Variants in ST6GALNAC5 observed in about 807,000 individuals in gnomAD.
ST6GALNAC5 encodes the protein alpha-N-acetylgalactosaminide alpha-2,6-sialyltransferase 5.
Under a neutral mutation model 33.6 loss-of-function variants are expected in ST6GALNAC5, and 27 were observed. The ratio of observed to expected loss-of-function variants is 0.80; its 90% CI spans 0.59 to 1.11. The LOEUF (loss-of-function observed/expected upper bound fraction) is 1.11. Among genes scored for constraint, ST6GALNAC5 ranks in the 50% least tolerant of loss-of-function variants. ST6GALNAC5 has a pLI of 0.00. For synonymous variants in ST6GALNAC5, 194 were observed against 171.2 expected, an observed-to-expected ratio of 1.13 and a Z score of -1.04; for missense variants, 428 against 454.0, an observed-to-expected ratio of 0.94 and a Z score of 0.52.
At chr1:76,900,161 G>C (rs760811787) in intron 2 of ST6GALNAC5, among the ~76,000 whole-genome samples, 1 of 152,160 alleles carries the variant, frequency 6.6e-6, no homozygotes, top group Admixed American at 6.5e-5. Flanking sequence ...GTTGTTCTCT[G>C]GTGGGCAGAG....
chr1:77,026,828 TGAA>T (rs1651257134), intron 2 of ST6GALNAC5, among the ~76,000 whole-genome samples: 1 of 142,940 alleles, frequency 7.0e-6, no homozygotes, highest in Non-Finnish European at 1.5e-5. Context: ...AATGAATGAA[TGAA>T]TGAATGAAAA....
intron 2 of ST6GALNAC5, among the ~76,000 whole-genome samples, chr1:76,902,528 C>T (rs1018054077): frequency 6.6e-6 from 1 of 152,082 alleles, no homozygotes; most frequent in Admixed American, 6.6e-5. Context: ...AATTGATGAG[C>T]TGATCCCAAA....
intron 2 of ST6GALNAC5, among the ~76,000 whole-genome samples, chr1:76,996,481 A>G (rs779594196): frequency 3.6e-4 from 55 of 152,226 alleles, no homozygotes; most frequent in Admixed American, 1.1e-3. Context: ...ACTGTTGAAT[A>G]TGTTTGTGGA....
chr1:76,959,160 T>G (rs564099341), intron 2 of ST6GALNAC5, among the ~76,000 whole-genome samples: 2 of 152,084 alleles, frequency 1.3e-5, no homozygotes, highest in African/African-American at 4.8e-5. Context: ...TAGACAGGGG[T>G]TATGGGTGGT....
At chr1:76,977,062 T>C (rs1345419724) in intron 2 of ST6GALNAC5, among the ~76,000 whole-genome samples, 2 of 152,204 alleles carry the variant, frequency 1.3e-5, no homozygotes, top group African/African-American at 4.8e-5. Flanking sequence ...AGCACATCTA[T>C]TTATTCTTTT....
At chr1:76,939,282 C>A (rs753283828) in intron 2 of ST6GALNAC5, among the ~76,000 whole-genome samples, 3 of 151,986 alleles carry the variant, frequency 2.0e-5, no homozygotes, top group Non-Finnish European at 4.4e-5. Flanking sequence ...GAAAGCGAAA[C>A]AACATTATTG....
chr1:76,874,645 C>T (rs1653586579), intron 2 of ST6GALNAC5, among the ~76,000 whole-genome samples: 2 of 152,128 alleles, frequency 1.3e-5, no homozygotes. Flanking sequence ...ATTTTTCTGC[C>T]TGTTTTATAT....
At chr1:77,017,536 C>T (rs1296266507) in intron 2 of ST6GALNAC5, among the ~76,000 whole-genome samples, 1 of 152,106 alleles carries the variant, frequency 6.6e-6, no homozygotes, top group African/African-American at 2.4e-5. Context: ...GCAAGAGGGA[C>T]CCAGGGATCC....
intron 2 of ST6GALNAC5, among the ~76,000 whole-genome samples, chr1:76,876,179 C>T (rs1421325169): frequency 6.6e-6 from 1 of 152,210 alleles, no homozygotes. Flanking sequence ...CCAATATAAT[C>T]AACCTGCCAC....
intron 1 of ST6GALNAC5, 149 bp downstream of exon 1, chr1:76,867,839 C>A: frequency 1.7e-6 from 2 of 1,162,046 alleles, no homozygotes; most frequent in Non-Finnish European, 1.2e-6. Context: ...GCTCCGCGTT[C>A]CCTCCCGATT....
At chr1:76,892,482 T>A (rs1654034812) in intron 2 of ST6GALNAC5, among the ~76,000 whole-genome samples, 1 of 152,196 alleles carries the variant, frequency 6.6e-6, no homozygotes, top group South Asian at 2.1e-4. Flanking sequence ...TTATGAATAG[T>A]CCATATGTTT....
chr1:77,041,159 T>G (rs1390617348), intron 2 of ST6GALNAC5, among the ~76,000 whole-genome samples: 1 of 152,252 alleles, frequency 6.6e-6, no homozygotes, highest in East Asian at 1.9e-4. Flanking sequence ...TACTTGCTCC[T>G]TTTTAAAATT....
chr1:76,971,898 C>A (rs530822576), intron 2 of ST6GALNAC5, among the ~76,000 whole-genome samples: 53 of 152,316 alleles, frequency 3.5e-4, no homozygotes, highest in Non-Finnish European at 5.9e-4. Flanking sequence ...AAACATCATA[C>A]AATGAAAAGT....
At chr1:76,933,375 A>G (rs1020600133) in intron 2 of ST6GALNAC5, among the ~76,000 whole-genome samples, 1 of 152,004 alleles carries the variant, frequency 6.6e-6, no homozygotes, top group African/African-American at 2.4e-5. Flanking sequence ...GGGAGCTAAC[A>G]TTGTTGTATG....
intron 2 of ST6GALNAC5, among the ~76,000 whole-genome samples, chr1:76,938,286 C>A (rs1252216435): frequency 2.0e-5 from 3 of 152,064 alleles, no homozygotes; most frequent in Non-Finnish European, 2.9e-5. Flanking sequence ...ATGCTCCACT[C>A]TTTCAAGAAG....
intron 2 of ST6GALNAC5, among the ~76,000 whole-genome samples, chr1:77,002,683 A>G (rs1650223138): frequency 6.6e-6 from 1 of 150,784 alleles, no homozygotes; most frequent in Admixed American, 6.6e-5. Flanking sequence ...AGATTCTGGT[A>G]TGTTGTGTCT....
chr1:76,867,778 C>T (rs1234806033), intron 1 of ST6GALNAC5, 88 bp downstream of exon 1: 1 of 1,596,686 alleles, frequency 6.3e-7, no homozygotes, highest in South Asian at 1.1e-5. Context: ...CTCCGAGACG[C>T]CTAACCCTGG....
intron 2 of ST6GALNAC5, among the ~76,000 whole-genome samples, chr1:76,878,804 G>A (rs1223332067): frequency 6.6e-6 from 1 of 152,168 alleles, no homozygotes; most frequent in East Asian, 1.9e-4. Flanking sequence ...AAATGCAGTA[G>A]GCTTCTTATC....
chr1:77,015,259 TG>T (rs758340053), intron 2 of ST6GALNAC5, among the ~76,000 whole-genome samples: 4 of 152,098 alleles, frequency 2.6e-5, no homozygotes, highest in Non-Finnish European at 5.9e-5. Flanking sequence ...GGAGATGAGA[TG>T]AGATGTCCTA....
Sources: allele counts gnomAD v4.1 joint callset (sites outside exome capture counted in the v4.1 genomes callset), GRCh38; gene constraint gnomAD v4.1.1; transcripts MANE v1.5; gene names NCBI Gene and HGNC (gene_info 2026-07-23, HGNC 2026-07-21).